The following BTBD9 variants were observed in gnomAD, a reference collection of about 807,000 sequenced individuals.
BTBD9 encodes the protein BTB domain containing 9.
In BTBD9, 49 loss-of-function variants were observed where a neutral mutation model predicts 64.3. That is an observed-to-expected ratio of 0.76 (90% CI 0.61 to 0.97). The LOEUF (loss-of-function observed/expected upper bound fraction) is 0.97, where lower values mean the gene tolerates loss of function less well. Ranked by LOEUF, BTBD9 falls within the 50% of genes least tolerant of loss-of-function variation. BTBD9 has a pLI of 0.00. For missense variants in BTBD9, 598 were observed against 762.1 expected, an observed-to-expected ratio of 0.78 and a Z score of 2.53; for synonymous variants, 260 against 274.7, an observed-to-expected ratio of 0.95 and a Z score of 0.53.
At chr6:38,251,657 G>A (rs776048657) in intron 9 of BTBD9, among the ~76,000 whole-genome samples, 2 of 152,068 alleles carry the variant, frequency 1.3e-5, no homozygotes, top group African/African-American at 2.4e-5. Flanking sequence ...TTGGGAGGCC[G>A]AGGTGAATGG....
intron 9 of BTBD9, among the ~76,000 whole-genome samples, chr6:38,242,668 C>T (rs1764042138): frequency 6.6e-6 from 1 of 152,180 alleles, no homozygotes; most frequent in South Asian, 2.1e-4. Flanking sequence ...CTTCCTGTCT[C>T]CTCAGAATTT....
At chr6:38,487,441 C>T (rs894319282) in intron 6 of BTBD9, among the ~76,000 whole-genome samples, 28 of 151,980 alleles carry the variant, frequency 1.8e-4, no homozygotes, top group Admixed American at 3.3e-4. Context: ...ATTAGCTGGG[C>T]ATGGTGGCAC....
chr6:38,538,558 C>T (rs1382281578), intron 6 of BTBD9, among the ~76,000 whole-genome samples: 2 of 151,858 alleles, frequency 1.3e-5, no homozygotes, highest in African/African-American at 4.8e-5. Flanking sequence ...AATTTCAATA[C>T]CCCCAAATTA....
At chr6:38,506,124 G>A (rs1056115044) in intron 6 of BTBD9, among the ~76,000 whole-genome samples, 2 of 151,946 alleles carry the variant, frequency 1.3e-5, no homozygotes, top group Non-Finnish European at 2.9e-5. Context: ...CCTCCTCCCT[G>A]TCTCTTGACC....
chr6:38,520,648 A>C (rs1773233984), intron 6 of BTBD9, among the ~76,000 whole-genome samples: 1 of 151,806 alleles, frequency 6.6e-6, no homozygotes, highest in South Asian at 2.1e-4. Context: ...TAAATATTTA[A>C]AAGGCCAGGC....
At chr6:38,208,998 C>T (rs1343834435) in intron 9 of BTBD9, among the ~76,000 whole-genome samples, 1 of 152,196 alleles carries the variant, frequency 6.6e-6, no homozygotes, top group East Asian at 1.9e-4. Flanking sequence ...ACAGACATAC[C>T]TTGCTGGTTT....
chr6:38,620,709 A>G (rs535211404), intron 1 of BTBD9, among the ~76,000 whole-genome samples: 19 of 152,318 alleles, frequency 1.2e-4, no homozygotes, highest in Admixed American at 1.2e-3. Context: ...GCCCTCAGCA[A>G]AGAACGAATA....
intron 8 of BTBD9, among the ~76,000 whole-genome samples, chr6:38,257,420 CT>C (rs1295847528): frequency 6.6e-6 from 1 of 151,982 alleles, no homozygotes; most frequent in African/African-American, 2.4e-5. Context: ...TGGTCTCAAA[CT>C]TCTAGCCTCA....
intron 7 of BTBD9, among the ~76,000 whole-genome samples, chr6:38,304,834 C>T (rs1271993061): frequency 6.6e-6 from 1 of 152,178 alleles, no homozygotes; most frequent in Non-Finnish European, 1.5e-5. Context: ...ACCTAAGGCA[C>T]AAGCCCAGTG....
chr6:38,228,947 C>G (rs145419080), intron 9 of BTBD9, among the ~76,000 whole-genome samples: 17,383 of 152,110 alleles, frequency 0.11, 1,072 homozygotes, highest in Non-Finnish European at 0.14. Context: ...GCCTGTAATC[C>G]CAGCACTTTG....
chr6:38,577,766 AC>A, intron 5 of BTBD9, 47 bp from the exon 6 acceptor site: 2 of 1,546,644 alleles, frequency 1.3e-6, no homozygotes, highest in East Asian at 2.3e-5. Context: ...ACATTAAAAA[AC>A]AATACAAAGC....
chr6:38,581,457 T>C (rs759585374), intron 4 of BTBD9, among the ~76,000 whole-genome samples: 1 of 152,214 alleles, frequency 6.6e-6, no homozygotes, highest in African/African-American at 2.4e-5. Context: ...TGATAGTCTG[T>C]CATCAAAATC....
chr6:38,206,893 TAA>T (rs1434484555), intron 9 of BTBD9, among the ~76,000 whole-genome samples: 1 of 151,694 alleles, frequency 6.6e-6, no homozygotes, highest in Non-Finnish European at 1.5e-5. Context: ...CCTCAAAATC[TAA>T]AAGTCTGACC....
At chr6:38,557,165 G>A (rs1775067068) in intron 6 of BTBD9, among the ~76,000 whole-genome samples, 2 of 150,522 alleles carry the variant, frequency 1.3e-5, no homozygotes, top group South Asian at 2.1e-4. Context: ...GGCCAACATG[G>A]CAAAACCCCG....
intron 1 of BTBD9, among the ~76,000 whole-genome samples, chr6:38,619,998 T>C (rs1435721493): frequency 6.6e-6 from 1 of 152,124 alleles, no homozygotes; most frequent in Admixed American, 6.6e-5. Flanking sequence ...AATCCGGGCA[T>C]TGGAAGGGCA....
chr6:38,631,997 G>A (rs1285695713), intron 1 of BTBD9, among the ~76,000 whole-genome samples: 5 of 152,072 alleles, frequency 3.3e-5, no homozygotes, highest in Non-Finnish European at 5.9e-5. Flanking sequence ...GCGTGGTGGC[G>A]CATGCCTGTA....
At chr6:38,350,778 G>A (rs1176012993) in intron 6 of BTBD9, among the ~76,000 whole-genome samples, 2 of 152,202 alleles carry the variant, frequency 1.3e-5, no homozygotes, top group African/African-American at 2.4e-5. Flanking sequence ...TGTGGCCAGA[G>A]GCAGGCACCT....
At chr6:38,186,623 T>A (rs1383548331) in intron 10 of BTBD9, among the ~76,000 whole-genome samples, 2 of 152,146 alleles carry the variant, frequency 1.3e-5, no homozygotes, top group African/African-American at 4.8e-5. Flanking sequence ...TCCTCTATGC[T>A]TACACATGCC....
intron 9 of BTBD9, among the ~76,000 whole-genome samples, chr6:38,211,517 T>C (rs1181637169): frequency 1.3e-5 from 2 of 151,416 alleles, no homozygotes; most frequent in Non-Finnish European, 2.9e-5. Context: ...CCTAGGTAGA[T>C]GGATCACTTG....
Sources: gnomAD v4.1 joint callset for allele counts (sites outside exome capture counted in the v4.1 genomes callset) on GRCh38, gnomAD v4.1.1 for gene constraint, MANE v1.5 for transcripts, NCBI Gene and HGNC (gene_info 2026-07-23, HGNC 2026-07-21) for gene names.